PXK: variants seen among roughly 807,000 people sequenced by gnomAD.
PXK encodes the protein PX domain-containing protein kinase-like protein.
Under a neutral mutation model 84.7 loss-of-function variants are expected in PXK, and 35 were observed. The observed-to-expected ratio is 0.41, with a 90% confidence interval of 0.32 to 0.55. The LOEUF is 0.55. Among genes scored for constraint, PXK ranks in the 20% least tolerant of loss-of-function variants. The pLI, the probability that PXK is intolerant of heterozygous loss-of-function variation, is 0.21. For missense variants in PXK, 634 were observed against 699.7 expected (o/e 0.91, Z 1.06); for synonymous variants, 253 against 260.8 (o/e 0.97, Z 0.29).
At chr3:58,378,705 T>C (rs2098469552) in intron 3 of PXK, among the ~76,000 whole-genome samples, 1 of 150,410 alleles carries the variant, frequency 6.6e-6, no homozygotes, top group Admixed American at 6.7e-5. Flanking sequence ...CAGCTAATTT[T>C]TTGTGTTTTT....
intron 1 of PXK, among the ~76,000 whole-genome samples, chr3:58,358,918 C>T (rs1309571327): frequency 6.6e-6 from 1 of 152,152 alleles, no homozygotes; most frequent in Admixed American, 6.5e-5. Flanking sequence ...AACATTATTG[C>T]TTGTTTTAAA....
At chr3:58,413,542 A>C (rs1256618484) in intron 17 of PXK, 1 of 152,422 alleles carries the variant, frequency 6.6e-6, no homozygotes, top group Admixed American at 6.5e-5. Context: ...TGAAAAATGT[A>C]AAAAGAATTT....
chr3:58,359,377 A>G (rs1212887181), intron 1 of PXK, among the ~76,000 whole-genome samples: 1 of 151,894 alleles, frequency 6.6e-6, no homozygotes, highest in Non-Finnish European at 1.5e-5. Context: ...TGAAAATACA[A>G]AAATTAGCCA....
intron 1 of PXK, among the ~76,000 whole-genome samples, chr3:58,355,174 G>A (rs1297414646): frequency 6.6e-6 from 1 of 151,650 alleles, no homozygotes; most frequent in African/African-American, 2.4e-5. Context: ...GCTAATGCCT[G>A]TGCCCAGGCC....
chr3:58,378,111 A>AG (rs1290124099), intron 3 of PXK, among the ~76,000 whole-genome samples: 2 of 152,218 alleles, frequency 1.3e-5, no homozygotes, highest in Non-Finnish European at 2.9e-5. Context: ...TGGGGTATGC[A>AG]GGCACATTTG....
In PXK at chr3:58,412,634, G is replaced by T. The variant is rs1049211407; in HGVS notation, c.1466-267G>T. On this transcript the variant is annotated intron_variant, in intron 16 of 17. Transcript: ENST00000356151. This position sits in a 1 kb window ranked among gnomAD's most constrained non-coding sequence, Gnocchi z 6.2. ...CAGCCAATTGCCTAAGCTGTTGATG[G>T]TGCAAAGTTTCAAACCAGGCAGGCC... is the stretch of plus-strand genomic sequence containing the variant. 6.6e-6 allele frequency among the ~76,000 whole-genome samples: 1 copy of T among 152,196 alleles called. No individual in the cohort carries two copies. The highest frequency in any genetic ancestry group is 1.5e-5 in the Non-Finnish European group (1 of 68,028).
chr3:58,389,599 G>A (rs2098601994), intron 4 of PXK, among the ~76,000 whole-genome samples: 1 of 151,894 alleles, frequency 6.6e-6, no homozygotes, highest in East Asian at 1.9e-4. Flanking sequence ...GAGATGGGCG[G>A]ATCTCTTGAG....
chr3:58,352,357 A>G (rs1315836441), intron 1 of PXK, among the ~76,000 whole-genome samples: 4 of 152,194 alleles, frequency 2.6e-5, no homozygotes, highest in Non-Finnish European at 4.4e-5. Context: ...GCCACCTCAG[A>G]TACCAGAGCC....
intron 7 of PXK, among the ~76,000 whole-genome samples, chr3:58,394,229 A>G (rs933336123): frequency 6.6e-6 from 1 of 152,186 alleles, no homozygotes; most frequent in African/African-American, 2.4e-5. Context: ...TTAAATTTTC[A>G]TGATACTCCT....
At chr3:58,338,750 A>G (rs1316900341) in intron 1 of PXK, among the ~76,000 whole-genome samples, 1 of 144,156 alleles carries the variant, frequency 6.9e-6, no homozygotes, top group African/African-American at 2.6e-5. Flanking sequence ...CAGTGGCGCG[A>G]TCTCGGCTCA....
chr3:58,377,769 A>G (rs2098456171), intron 3 of PXK, among the ~76,000 whole-genome samples: 1 of 152,254 alleles, frequency 6.6e-6, no homozygotes. Flanking sequence ...GACAAACAGA[A>G]CAGGAGAAGA....
chr3:58,351,897 A>C (rs1424186682), intron 1 of PXK, among the ~76,000 whole-genome samples: 1 of 152,178 alleles, frequency 6.6e-6, no homozygotes, highest in Non-Finnish European at 1.5e-5. Context: ...ACCTGCAGAC[A>C]CTTTGTGTTT....
rs1385744247 is a variant in PXK, at chr3:58,400,318, T to C, written c.1181+941T>C. Reference sequence around the variant, plus strand: ...AATATCACACACCATGCAGTGTATCTGGTGCTTTGTCTGCACCAGCGTATT... The same window carrying C: ...AATATCACACACCATGCAGTGTATCCGGTGCTTTGTCTGCACCAGCGTATT... On this transcript the variant is annotated intron_variant, in intron 12 of 17. Transcript: ENST00000356151. This position sits in a 1 kb window ranked among gnomAD's most constrained non-coding sequence, Gnocchi z 4.0. 6.6e-6 allele frequency among the ~76,000 whole-genome samples: 1 copy of C among 152,186 alleles called. No individual in the cohort carries two copies. Among genetic ancestry groups the C allele is most frequent in the Non-Finnish European group, 1.5e-5 (1 of 68,030 alleles).
At chr3:58,415,634 G>GT (rs1475165248) in intron 17 of PXK, among the ~76,000 whole-genome samples, 1 of 152,170 alleles carries the variant, frequency 6.6e-6, no homozygotes, top group Admixed American at 6.5e-5. Context: ...TAGAAATGTT[G>GT]TTATAGAACC....
intron 17 of PXK, chr3:58,422,770 CCCCCAAAA>C: frequency 1.0e-6 from 1 of 985,342 alleles, no homozygotes; most frequent in South Asian, 4.7e-5. Context: ...CGTCTCCAGC[CCCCCAAAA>C]TCCTTGCCTG....
chr3:58,365,595 T>C (rs757232850), intron 1 of PXK, among the ~76,000 whole-genome samples: 21 of 152,260 alleles, frequency 1.4e-4, no homozygotes, highest in Non-Finnish European at 2.9e-4. Context: ...TCTTCAACTA[T>C]AATTTTGGAT....
chr3:58,375,349 A>G (rs1311360590), intron 3 of PXK, among the ~76,000 whole-genome samples: 1 of 152,222 alleles, frequency 6.6e-6, no homozygotes, highest in Non-Finnish European at 1.5e-5. Context: ...AATTGAAAAA[A>G]AAGTAGTAAA....
chr3:58,410,609 A>C (rs142001315), intron 16 of PXK, among the ~76,000 whole-genome samples: 4 of 152,242 alleles, frequency 2.6e-5, no homozygotes, highest in Non-Finnish European at 5.9e-5. Context: ...GATGGCAAGA[A>C]ACCGAGATGG....
rs944834232 is a variant in PXK at position 58,400,254 on chromosome 3, G to A, written c.1181+877G>A. 1.3e-5 allele frequency among the ~76,000 whole-genome samples: 2 copies of A among 152,176 alleles called. No homozygotes were observed. Among genetic ancestry groups the A allele is most frequent in the Non-Finnish European group, 2.9e-5 (2 of 68,034 alleles). ...GGCACTTAATATGTGCTCATTAAGT[G>A]TTAGTTATGCTTACTACTGAATCAG... On this transcript the variant is annotated intron_variant, in intron 12 of 17. Transcript: ENST00000356151. This position sits in a 1 kb window ranked among gnomAD's most constrained non-coding sequence, Gnocchi z 4.0.
Sources: allele counts gnomAD v4.1 joint callset (sites outside exome capture counted in the v4.1 genomes callset), GRCh38; gene constraint gnomAD v4.1.1; non-coding constraint Gnocchi (gnomAD v3.1); transcripts MANE v1.5; gene names NCBI Gene and HGNC (gene_info 2026-07-23, HGNC 2026-07-21).